The following POM121 variants were observed in gnomAD, a reference collection of about 807,000 sequenced individuals.
POM121 encodes the protein POM121 transmembrane nucleoporin.
POM121 carries 32 observed loss-of-function variants against 81.3 expected under a neutral mutation model. The ratio of observed to expected loss-of-function variants is 0.39; its 90% confidence interval spans 0.30 to 0.53. The LOEUF is 0.53. POM121 is among the 20% of genes least tolerant of loss of function. The probability of loss-of-function intolerance (pLI) is 0.66; values close to 1 mark genes in which losing one functional copy is unlikely to be tolerated. For missense variants in POM121, 1,138 were observed against 1,614.6 expected, an observed-to-expected ratio of 0.70 and a Z score of 5.06; for synonymous variants, 514 against 694.2, an observed-to-expected ratio of 0.74 and a Z score of 4.08.
chr7:72,946,567 C>T lies in POM121; in HGVS notation c.*333C>T, dbSNP rs1554503328. On this transcript the variant is annotated 3_prime_UTR_variant, in exon 13 of 13. Transcript: ENST00000434423. ...CACACCCTTAGGCAGGCGCCCCTTC[C>T]ACCTTTCCCCGAGACCGTCGTCGCT... is the stretch of plus-strand genomic sequence containing the variant. 3 of 1,061,248 alleles carry T rather than the reference C, an allele frequency of 2.8e-6. No individual in the cohort carries two copies. The highest frequency in any genetic ancestry group is 7.3e-5 in the East Asian group (1 of 13,752). 65.7% of individuals were successfully genotyped at this position (1,061,248 alleles called of 1,614,324 possible). A position where few individuals can be genotyped will look rare whatever the true frequency, so the allele number is the denominator to read the frequency against.
intron 5 of POM121, among the ~76,000 whole-genome samples, chr7:72,934,893 C>T (rs1554499180): frequency 6.6e-6 from 1 of 151,780 alleles, no homozygotes; most frequent in Admixed American, 6.6e-5. Flanking sequence ...TTCTACCTAC[C>T]CTTGTGCCAG....
chr7:72,890,899 A>C, intron 2 of POM121: 1 of 1,103,300 alleles, frequency 9.1e-7, no homozygotes, highest in Non-Finnish European at 1.4e-6. Context: ...TCTAACTTTG[A>C]TAAGGTAAAA....
In POM121 at chr7:72,938,679, A is replaced by G; in HGVS notation, c.1365A>G (p.Ile455Met). The G allele has an allele frequency of 1.2e-6, 2 of 1,613,482 alleles. No individual in the cohort carries two copies. The highest frequency in any genetic ancestry group is 2.2e-5 in the South Asian group (2 of 91,052). ...CACCGGAGAGGCCAGCAAAGAAAATAAGGTACTTGGCATTCTCCTGCAGTT... is the reference window on the plus strand; with the variant it reads ...CACCGGAGAGGCCAGCAAAGAAAATGAGGTACTTGGCATTCTCCTGCAGTT... ...SQTPERPAKK[I>M]REEELCHHSS... Residue 455 changes from isoleucine to methionine, a missense_variant and splice_region_variant, in exon 6 of 13, where the codon ATA becomes ATG. By Grantham distance (10) the Ile-to-Met change is conservative (BLOSUM62 1). Transcript: ENST00000434423.
In POM121 at chr7:72,943,166, G is replaced by A; in HGVS notation, c.3173G>A (p.Gly1058Asp). 2 of 1,613,428 alleles carry A rather than the reference G, an allele frequency of 1.2e-6. No homozygotes were observed. Among genetic ancestry groups the A allele is most frequent in the Non-Finnish European group, 1.7e-6 (2 of 1,179,810 alleles). ...GAPASSQPAF[G>D]GSTAVFFGAA... Reference sequence around the variant, plus strand: ...CCCGCCAGCTCACAGCCCGCCTTTGGCGGCTCCACTGCTGTCTTCTTCGGT... The same window carrying A: ...CCCGCCAGCTCACAGCCCGCCTTTGACGGCTCCACTGCTGTCTTCTTCGGT... The change falls in exon 11 of 13, where the codon GGC becomes GAC. Residue 1058 changes from glycine to aspartate, a missense_variant. Around this residue, in one of 7 missense-constraint regions of POM121, gnomAD observed 336 missense variants for 344.3 expected, o/e 0.98. Transcript: ENST00000434423.
rs782712908 is a variant in POM121 at position 72,943,410 on chromosome 7, C to G, written c.3417C>G (p.Thr1139=). 1 of 1,613,280 alleles carries G rather than the reference C, an allele frequency of 6.2e-7. No individual in the cohort carries two copies. Residue 1139 remains threonine, a synonymous_variant, in exon 11 of 13, where the codon ACC becomes ACG. Coordinates refer to ENST00000434423, the MANE Select transcript of POM121 (RefSeq NM_001387691.1). ...FGAGQSGSTA[T]STPFAGGLGQ... ...CAGGACAGAGTGGGAGCACAGCCAC[C>G]TCCACCCCCTTCGCAGGGGGCTTAG...
intron 10 of POM121, among the ~76,000 whole-genome samples, chr7:72,941,579 A>C (rs1490746799): frequency 6.6e-6 from 1 of 150,454 alleles, no homozygotes; most frequent in Non-Finnish European, 1.5e-5. Context: ...CAGAGTTCAG[A>C]CAATTGGACT....
In POM121 at chr7:72,925,636, C is replaced by G. The variant is rs1795341408; in HGVS notation, c.515C>G (p.Pro172Arg). The change falls in exon 1 of 13, where the codon CCG becomes CGG. Residue 172 changes from proline to arginine, a missense_variant. Physicochemically the swap from Pro to Arg is moderately radical, Grantham distance 103 (BLOSUM62 -2). Coordinates refer to ENST00000434423, the MANE Select transcript of POM121 (RefSeq NM_001387691.1). ...CGCCGCCCACCTGCCCGCCCGGCGC[C>G]GCGCTCCCCACCGCCGCGCTCCCCA... ...PGRRPPARPA[P>R]RSPPPRSPPP... 9.6e-7 allele frequency: 1 copy of G among 1,041,130 alleles called. No homozygotes were observed. The highest frequency in any genetic ancestry group is 3.4e-5 in the East Asian group (1 of 29,252). 64.5% of individuals were successfully genotyped at this position (1,041,130 alleles called of 1,614,324 possible).
intron 3 of POM121, among the ~76,000 whole-genome samples, chr7:72,905,551 T>A (rs1396748430): frequency 6.6e-6 from 1 of 152,046 alleles, no homozygotes; most frequent in Non-Finnish European, 1.5e-5. Flanking sequence ...AACAAAAAAA[T>A]TCACCAGGCA....
intron 3 of POM121, among the ~76,000 whole-genome samples, chr7:72,910,045 C>G (rs782637873): frequency 6.6e-6 from 1 of 152,168 alleles, no homozygotes; most frequent in East Asian, 1.9e-4. Context: ...ATGGGCACTT[C>G]GAGGGCATGG....
At chr7:72,933,685 T>C (rs1796241357) in intron 5 of POM121, among the ~76,000 whole-genome samples, 1 of 152,204 alleles carries the variant, frequency 6.6e-6, no homozygotes, top group Non-Finnish European at 1.5e-5. Flanking sequence ...AAGAGATACA[T>C]GCACCCTTTG....
chr7:72,923,360 C>T (rs1401068176), upstream of POM121, among the ~76,000 whole-genome samples: 3 of 152,124 alleles, frequency 2.0e-5, no homozygotes, highest in African/African-American at 7.2e-5. Flanking sequence ...CTTCATCTGC[C>T]TTGAACCTGC....
At chr7:72,911,845 C>A (rs569447290) in intron 3 of POM121, among the ~76,000 whole-genome samples, 6 of 152,216 alleles carry the variant, frequency 3.9e-5, no homozygotes, top group African/African-American at 1.4e-4. Flanking sequence ...ACCCAAACTC[C>A]CACCAAAGTA....
chr7:72,924,992 G>T (rs1795207907), upstream of POM121: 1 of 1,324,034 alleles, frequency 7.6e-7, no homozygotes, highest in Non-Finnish European at 9.6e-7. Flanking sequence ...AACCAGTTGG[G>T]TCTCGGGCGC....
intron 5 of POM121, among the ~76,000 whole-genome samples, chr7:72,933,084 G>A (rs1207968260): frequency 1.3e-5 from 2 of 150,634 alleles, no homozygotes; most frequent in Non-Finnish European, 3.0e-5. Flanking sequence ...GAGCTTGGTG[G>A]CTTACACCTG....
At chr7:72,891,753 A>G (rs1554490945) in intron 3 of POM121, among the ~76,000 whole-genome samples, 3 of 152,206 alleles carry the variant, frequency 2.0e-5, no homozygotes, top group Non-Finnish European at 4.4e-5. Flanking sequence ...TGACATAAAA[A>G]TTAACTTGAG....
intron 1 of POM121, among the ~76,000 whole-genome samples, chr7:72,888,198 T>TC (rs1485087762): frequency 6.6e-6 from 1 of 152,136 alleles, no homozygotes; most frequent in African/African-American, 2.4e-5. Context: ...AATTTTTTTT[T>TC]CCCTGAGCTG....
At chr7:72,913,093 T>G (rs1793964214) in intron 3 of POM121, among the ~76,000 whole-genome samples, 1 of 152,224 alleles carries the variant, frequency 6.6e-6, no homozygotes, top group Non-Finnish European at 1.5e-5. Flanking sequence ...ATTTGAAAGA[T>G]AAACCTCTTG....
At chr7:72,937,305 A>C (rs1796608055) in intron 5 of POM121, among the ~76,000 whole-genome samples, 2 of 151,956 alleles carry the variant, frequency 1.3e-5, no homozygotes, top group Admixed American at 1.3e-4. Flanking sequence ...AGAACCAGTG[A>C]GGTAGTGTCA....
downstream of POM121, chr7:72,949,943 T>C (rs1797952283): frequency 1.2e-6 from 2 of 1,612,262 alleles, no homozygotes. Context: ...TCCAGCAGCA[T>C]GGCTGGGAGA....
Sources: gnomAD v4.1 joint callset for allele counts (sites outside exome capture counted in the v4.1 genomes callset) on GRCh38, gnomAD v4.1.1 for gene constraint, gnomAD v4.1.1 regional missense constraint, MANE v1.5 for transcripts, NCBI Gene and HGNC (gene_info 2026-07-23, HGNC 2026-07-21) for gene names.